The following PYGM variants were observed in gnomAD, a reference collection of about 807,000 sequenced individuals.
PYGM encodes glycogen phosphorylase, muscle form.
A neutral mutation model predicts 99.3 loss-of-function variants in PYGM; 81 were observed. The observed-to-expected ratio is 0.82, with a 90% confidence interval of 0.68 to 0.98. The LOEUF is 0.98. Among genes scored for constraint, PYGM ranks in the 50% least tolerant of loss-of-function variants. PYGM has a pLI of 0.00. For synonymous variants in PYGM, 436 were observed against 451.5 expected (o/e 0.97, Z 0.44); for missense variants, 1,030 against 1,158.1 (o/e 0.89, Z 1.61).
rs527236146 is a variant in PYGM, at chr11:64,758,693, G to T, written c.255C>A (p.Tyr85Ter). Residue 85 changes from tyrosine (Y) to a stop codon, truncating the protein, a stop_gained, in exon 2 of 20, where the codon TAC becomes TAA. Transcript: ENST00000164139. LOFTEE classifies it high-confidence loss of function. ...YYEKDPKRIY[Y>*]LSLEFYMGRT... ...GTCCCATATAGAACTCTAAAGACAG[G>T]TAGTAGATCCTCTGCCCAGAGAGAC... is the stretch of plus-strand genomic sequence containing the variant. The T allele has an allele frequency of 3.1e-6, 5 of 1,607,044 alleles. No homozygotes were observed. The highest frequency in any genetic ancestry group is 4.3e-6 in the Non-Finnish European group (5 of 1,173,670).
chr11:64,754,217 G>A lies in PYGM; in HGVS notation c.1092+36C>T. The A allele has an allele frequency of 3.1e-6, 5 of 1,590,680 alleles. No individual in the cohort carries two copies. Among genetic ancestry groups the A allele is most frequent in the Non-Finnish European group, 4.3e-6 (5 of 1,159,154 alleles). On this transcript the variant is annotated intron_variant, in intron 9 of 19. Coordinates refer to ENST00000164139, the MANE Select transcript of PYGM (RefSeq NM_005609.4). The surrounding 1 kb of genome is among the most constrained non-coding windows in gnomAD (Gnocchi z 5.5). ...ACTGGGAAGGGAACCCCGAGGCAGA[G>A]AGCATCAGATGGGGCAGAGGGGCCC... is the stretch of plus-strand genomic sequence containing the variant.
In PYGM at chr11:64,747,230, T is replaced by G. The variant is rs771421657; in HGVS notation, c.2306A>C (p.His769Pro). 1.9e-5 allele frequency: 31 copies of G among 1,613,998 alleles called. No individual in the cohort carries two copies. Among genetic ancestry groups the G allele is most frequent in the Non-Finnish European group, 2.5e-5 (30 of 1,179,990 alleles). ...CCCGGGCCAACCAGCTCACCGGTCA[T>G]GGTGCATGAGCATATTGACAATGTC... Reference protein sequence around the residue: ...FKDIVNMLMHHDRFKVFADYE... With the variant: ...FKDIVNMLMHPDRFKVFADYE... The change falls in exon 18 of 20, where the codon CAT (histidine) becomes CCT (proline). Residue 769 changes from histidine (H) to proline (P), a missense_variant. His to Pro is a moderately conservative substitution (Grantham distance 77). Transcript: ENST00000164139.
At chr11:64,749,862 G>A (rs1274203947) in intron 17 of PYGM, among the ~76,000 whole-genome samples, 3 of 146,470 alleles carry the variant, frequency 2.0e-5, no homozygotes, top group South Asian at 2.2e-4. Context: ...GCGCGATCTC[G>A]GCTCACTGCA....
intron 1 of PYGM, 98 bp downstream of exon 1, chr11:64,759,558 G>T: frequency 2.6e-6 from 4 of 1,559,820 alleles, no homozygotes; most frequent in Non-Finnish European, 3.5e-6. Flanking sequence ...CCACCCCCAA[G>T]AACCTAGAGT....
In PYGM at chr11:64,755,505, A is replaced by G. The variant is rs1339351095; in HGVS notation, c.714T>C (p.Val238=). 1.2e-6 allele frequency: 2 copies of G among 1,614,134 alleles called. No individual in the cohort carries two copies. The highest frequency in any genetic ancestry group is 2.2e-5 in the South Asian group (2 of 91,086). Residue 238 remains valine, a synonymous_variant, in exon 6 of 20, where the codon GTT becomes GTC. Coordinates refer to ENST00000164139, the MANE Select transcript of PYGM (RefSeq NM_005609.4). The surrounding 1 kb of genome is among the most constrained non-coding windows in gnomAD (Gnocchi z 4.1). ...CAGACCAGAGGCGCATGGTGTTGAC[A>G]ACATTGTTGCGATAGCCAGGCACGG... ...DTPVPGYRNN[V]VNTMRLWSAK...
Position 64,758,619 on chromosome 11 carries a change from T to C in PYGM, c.329A>G (p.Asp110Gly), listed in dbSNP as rs1251356910. The part of the protein sequence containing the change: ...MVNLALENAC[D>G]EATYQLGLDM... ...CACACACACCTGGTAGGTGGCCTCG[T>C]CACAGGCATTCTCTAAGGCCAGGTT... Residue 110 changes from aspartate (D) to glycine (G), a missense_variant, in exon 2 of 20, where the codon GAC (aspartate) becomes GGC (glycine). Asp to Gly is a moderately conservative substitution (Grantham distance 94, BLOSUM62 -1). Transcript: ENST00000164139. 2 of 1,613,520 alleles carry C rather than the reference T, an allele frequency of 1.2e-6. No individual in the cohort carries two copies. Among genetic ancestry groups the C allele is most frequent in the Middle Eastern group, 1.6e-4 (1 of 6,062 alleles).
At chr11:64,752,358 CGCTCTCCA>C in intron 13 of PYGM, 37 bp downstream of exon 13, 1 of 1,591,404 alleles carries the variant, frequency 6.3e-7, no homozygotes, top group Non-Finnish European at 8.6e-7. Context: ...GCCCCTCCAG[CGCTCTCCA>C]CACAGCACAG....
In PYGM at chr11:64,759,716, G is replaced by A. The variant is rs1182278359; in HGVS notation, c.183C>T (p.Arg61=). ...GGATCCAGCGCCCCACGAGGTGGTC[G>A]CGCACGGTATGGGCCAGAGCAAAGT... ...DYYFALAHTV[R]DHLVGRWIRT... is the part of the protein sequence containing the mutation. The change falls in exon 1 of 20, where the codon CGC becomes CGT. Residue 61 remains arginine (R), a synonymous_variant. Transcript: ENST00000164139. The A allele has an allele frequency of 7.4e-6, 12 of 1,614,188 alleles. No individual in the cohort carries two copies. The highest frequency in any genetic ancestry group is 2.2e-5 in the East Asian group (1 of 44,876).
chr11:64,755,417 GGGTTGCT>G lies in PYGM; in HGVS notation c.772+23_772+29del. 1 of 1,613,038 alleles carries G rather than the reference GGGTTGCT, an allele frequency of 6.2e-7. No individual in the cohort carries two copies. The stretch of plus-strand genomic sequence containing the variant: ...CTGGGCGTGGCCGGCGGGCAAGCTG[GGGTTGCT>G]GGCTACCAGTGGATGAACTCACAGT... On this transcript the variant is annotated intron_variant, in intron 6 of 19. Transcript: ENST00000164139. This position sits in a 1 kb window ranked among gnomAD's most constrained non-coding sequence, Gnocchi z 4.1.
chr11:64,752,336 C>G (rs1329920065), intron 13 of PYGM, 67 bp downstream of exon 13: 1 of 1,562,432 alleles, frequency 6.4e-7, no homozygotes, highest in African/African-American at 1.4e-5. Flanking sequence ...CCACGCCTGA[C>G]CCAGACATCT....
chr11:64,760,627 CTGGGAACTGT>C (rs1435018423), upstream of PYGM, among the ~76,000 whole-genome samples: 1 of 152,280 alleles, frequency 6.6e-6, no homozygotes, highest in Non-Finnish European at 1.5e-5. Flanking sequence ...GCACGGGGCC[CTGGGAACTGT>C]AGTCCTATAG....
At chr11:64,757,695 TAC>T (rs1158080689) in intron 5 of PYGM, 82 bp downstream of exon 5, 1 of 1,587,012 alleles carries the variant, frequency 6.3e-7, no homozygotes, top group African/African-American at 1.3e-5. Context: ...AGGTGTAAAA[TAC>T]ACTGGGTCCT....
chr11:64,754,139 C>G lies in PYGM; in HGVS notation c.1092+114G>C. 1 of 1,591,370 alleles carries G rather than the reference C, an allele frequency of 6.3e-7. No homozygotes were observed. Among genetic ancestry groups the G allele is most frequent in the East Asian group, 2.2e-5 (1 of 44,722 alleles). ...AGTGCCAGGTTCCAGGACGGTCCCT[C>G]TGGCCTCAGGCTCTGATCCCTTCAC... is the stretch of plus-strand genomic sequence containing the variant. On this transcript the variant is annotated intron_variant, in intron 9 of 19. Coordinates refer to ENST00000164139, the MANE Select transcript of PYGM (RefSeq NM_005609.4). This position sits in a 1 kb window ranked among gnomAD's most constrained non-coding sequence, Gnocchi z 5.5.
upstream of PYGM, chr11:64,760,040 A>G: frequency 3.0e-6 from 4 of 1,315,338 alleles, no homozygotes; most frequent in Non-Finnish European, 4.1e-6. Context: ...CTCCCCTGCA[A>G]TGGGAGGGTC....
Position 64,753,606 on chromosome 11 carries a change from C to T in PYGM, c.1316G>A (p.Arg439His), listed in dbSNP as rs769479715. 9 of 1,608,216 alleles carry T rather than the reference C, an allele frequency of 5.6e-6. No homozygotes were observed. The East Asian group carries it at 1.3e-4, about 24-fold the overall frequency. ...MSLVEEGAVK[R>H]INMAHLCIAG... is the part of the protein sequence containing the mutation. ...GATGCACAGGTGTGCCATGTTGATG[C>T]GCTTCACTGCGCCCTCCTCCACCAG... Residue 439 changes from arginine to histidine, a missense_variant, in exon 11 of 20, where the codon CGC becomes CAC. By Grantham distance (29) the Arg-to-His change is conservative (BLOSUM62 0). Transcript: ENST00000164139.
chr11:64,751,665 A>C lies in PYGM; in HGVS notation c.1769-10T>G, dbSNP rs1565534037. 2 of 1,613,792 alleles carry C rather than the reference A, an allele frequency of 1.2e-6. No homozygotes were observed. Among genetic ancestry groups the C allele is most frequent in the Non-Finnish European group, 1.7e-6 (2 of 1,179,876 alleles). The stretch of plus-strand genomic sequence containing the variant: ...GGCTCCCTCTTGATGCCTGTGGAGA[A>C]ACGAGAGGGATCCAGTGGGCCTACC... On this transcript the variant is annotated splice_polypyrimidine_tract_variant and intron_variant, in intron 14 of 19. Coordinates refer to ENST00000164139, the MANE Select transcript of PYGM (RefSeq NM_005609.4).
At position 64,746,910 on chromosome 11, in the gene PYGM, G is replaced by T. The variant is rs897892951; in HGVS notation, c.2379+11C>A. 6 of 1,614,084 alleles carry T rather than the reference G, an allele frequency of 3.7e-6. No individual in the cohort carries two copies. The African/African-American group carries it at 6.7e-5, about 18-fold the overall frequency. Reference sequence around the variant, plus strand: ...CAAAGCCCTGCCAACCCCTGGCCCAGGACCCCTCACCTTGTACAAGGCGCT... The same window carrying T: ...CAAAGCCCTGCCAACCCCTGGCCCATGACCCCTCACCTTGTACAAGGCGCT... On this transcript the variant is annotated intron_variant, in intron 19 of 19. Coordinates refer to ENST00000164139, the MANE Select transcript of PYGM (RefSeq NM_005609.4).
Position 64,746,763 on chromosome 11 carries a change from A to G in PYGM, c.2425T>C (p.Ser809Pro). ...TRMVIRNIAT[S>P]GKFSSDRTIA... ...GTGCGGTCACTGGAGAACTTGCCAG[A>G]GGTGGCTATGTTCCGGATCACCATC... Residue 809 changes from serine to proline, a missense_variant, in exon 20 of 20, where the codon TCT becomes CCT. By Grantham distance (74) the Ser-to-Pro change is moderately conservative. Transcript: ENST00000164139. 1.2e-6 allele frequency: 2 copies of G among 1,614,114 alleles called. No individual in the cohort carries two copies. The highest frequency in any genetic ancestry group is 1.6e-4 in the Middle Eastern group (1 of 6,062).
At position 64,753,084 on chromosome 11, in the gene PYGM, C is replaced by T. The variant is rs149932883; in HGVS notation, c.1507G>A (p.Val503Ile). 8.7e-6 allele frequency: 14 copies of T among 1,612,456 alleles called. No individual in the cohort carries two copies. The African/African-American group carries it at 1.6e-4, about 18-fold the overall frequency. Residue 503 changes from valine to isoleucine, a missense_variant, in exon 12 of 20, where the codon GTC (valine) becomes ATC (isoleucine). Physicochemically the swap from Val to Ile is conservative, Grantham distance 29 (BLOSUM62 3). Coordinates refer to ENST00000164139, the MANE Select transcript of PYGM (RefSeq NM_005609.4). ...CGGTGGCCTCTCACCTCAGCAATGACCTCTGCCAGCCCGGGGTTACACAGA... is the reference window on the plus strand; with the variant it reads ...CGGTGGCCTCTCACCTCAGCAATGATCTCTGCCAGCCCGGGGTTACACAGA... ...LVLCNPGLAE[V>I]IAERIGEDFI... is the part of the protein sequence containing the mutation.
Sources: gnomAD v4.1 joint callset for allele counts (sites outside exome capture counted in the v4.1 genomes callset) on GRCh38, gnomAD v4.1.1 for gene constraint, Gnocchi (gnomAD v3.1) non-coding constraint, MANE v1.5 for transcripts, NCBI Gene and HGNC (gene_info 2026-07-23, HGNC 2026-07-21) for gene names.